The following MAGI1 variants were observed in gnomAD, a reference collection of about 807,000 sequenced individuals.
The protein encoded by MAGI1 is membrane associated guanylate kinase, WW and PDZ domain containing 1, also known as membrane-associated guanylate kinase, WW and PDZ domain-containing protein 1.
MAGI1 carries 58 observed loss-of-function variants against 139.9 expected under a neutral mutation model. That is an observed-to-expected ratio of 0.41 (90% CI 0.34 to 0.52). The LOEUF (loss-of-function observed/expected upper bound fraction) is 0.52. Ranked by LOEUF, MAGI1 falls within the 20% of genes least tolerant of loss-of-function variation. The pLI is 0.12. For missense variants in MAGI1, 1,874 were observed against 1,901.6 expected, an observed-to-expected ratio of 0.99 and a Z score of 0.27; for synonymous variants, 812 against 737.9, an observed-to-expected ratio of 1.10 and a Z score of -1.63.
intron 1 of MAGI1, among the ~76,000 whole-genome samples, chr3:65,838,570 G>A (rs2058704809): frequency 6.6e-6 from 1 of 152,100 alleles, no homozygotes; most frequent in South Asian, 2.1e-4. Flanking sequence ...TCAATAGTTT[G>A]TTCCTCTTTA....
chr3:65,523,432 G>A (rs371386499), intron 2 of MAGI1, among the ~76,000 whole-genome samples: 3 of 151,660 alleles, frequency 2.0e-5, no homozygotes, highest in East Asian at 3.9e-4. Context: ...GCGAAGAGAG[G>A]GAGGCAAGGG....
intron 1 of MAGI1, among the ~76,000 whole-genome samples, chr3:65,784,081 C>T (rs1011489880): frequency 2.0e-4 from 30 of 151,974 alleles, no homozygotes; most frequent in African/African-American, 6.8e-4. Flanking sequence ...TGAGATTGTG[C>T]CATTGCACTC....
chr3:65,849,474 TATATATATATATCATCAAATATAC>T (rs2059129667), intron 1 of MAGI1, among the ~76,000 whole-genome samples: 3 of 146,066 alleles, frequency 2.1e-5, no homozygotes, highest in Non-Finnish European at 4.5e-5. Context: ...CTTTCATATA[TATATATATATATCATCAAATATAC>T]ATATATATAT....
intron 1 of MAGI1, among the ~76,000 whole-genome samples, chr3:65,663,472 TAAA>T (rs2107406266): frequency 6.6e-6 from 1 of 152,242 alleles, no homozygotes; most frequent in Admixed American, 6.5e-5. Flanking sequence ...ATCTTAAAAA[TAAA>T]ATCAGAACGG....
chr3:65,557,956 T>G (rs1334814655), intron 2 of MAGI1, among the ~76,000 whole-genome samples: 1 of 152,166 alleles, frequency 6.6e-6, no homozygotes, highest in Non-Finnish European at 1.5e-5. Flanking sequence ...AGTTTCAATC[T>G]GCAGTATGCC....
chr3:65,701,647 C>T (rs1405876839), intron 1 of MAGI1, among the ~76,000 whole-genome samples: 2 of 152,076 alleles, frequency 1.3e-5, no homozygotes, highest in African/African-American at 4.8e-5. Context: ...CAAATAAAGG[C>T]ACTTTTATTA....
At chr3:65,972,660 C>G (rs1271683791) in intron 1 of MAGI1, among the ~76,000 whole-genome samples, 1 of 152,096 alleles carries the variant, frequency 6.6e-6, no homozygotes, top group Non-Finnish European at 1.5e-5. Context: ...GTGAGATCAG[C>G]TGCTAACAAT....
At chr3:65,886,149 T>G (rs535229201) in intron 1 of MAGI1, among the ~76,000 whole-genome samples, 3 of 152,270 alleles carry the variant, frequency 2.0e-5, no homozygotes, top group Non-Finnish European at 4.4e-5. Context: ...TAGGCTCTTA[T>G]ATTCCGTATC....
chr3:65,792,402 T>G (rs1450985659), intron 1 of MAGI1, among the ~76,000 whole-genome samples: 1 of 151,720 alleles, frequency 6.6e-6, no homozygotes, highest in Non-Finnish European at 1.5e-5. Flanking sequence ...GAGGAGGAGG[T>G]TGCAGTGAGC....
chr3:65,966,634 G>A (rs539596775), intron 1 of MAGI1, among the ~76,000 whole-genome samples: 26 of 152,112 alleles, frequency 1.7e-4, no homozygotes, highest in South Asian at 4.1e-4. Flanking sequence ...GTGGGGGCGC[G>A]GCCAAAGCCT....
intron 10 of MAGI1, among the ~76,000 whole-genome samples, chr3:65,431,150 A>C (rs1400959971): frequency 6.6e-6 from 1 of 152,216 alleles, no homozygotes; most frequent in Non-Finnish European, 1.5e-5. Flanking sequence ...CTGTCAGGTG[A>C]CACACTTCTT....
At chr3:65,920,803 G>A (rs577088644) in intron 1 of MAGI1, among the ~76,000 whole-genome samples, 1 of 152,282 alleles carries the variant, frequency 6.6e-6, no homozygotes, top group African/African-American at 2.4e-5. Context: ...GGCCGAGGTG[G>A]GTGGATCACG....
In MAGI1 at chr3:65,880,908, C is replaced by CGTGTGTGT. The variant is rs11271375; in HGVS notation, c.313+157080_313+157087dup. On this transcript the variant is annotated intron_variant, in intron 1 of 22. Transcript: ENST00000402939. ...TTCATGGGAAATAAAATATCTCTGG[C>CGTGTGTGT]GTGTGTGTGTGTGTGTGTGTGTGTG... Among the ~76,000 whole-genome samples, 1,224 of 145,664 alleles carry CGTGTGTGT rather than the reference C, an allele frequency of 8.4e-3. 28 individuals carry two copies. Among genetic ancestry groups the CGTGTGTGT allele is most frequent in the African/African-American group, 0.03 (1,156 of 39,052 alleles).
intron 2 of MAGI1, among the ~76,000 whole-genome samples, chr3:65,566,219 A>G (rs539794840): frequency 6.6e-6 from 1 of 152,158 alleles, no homozygotes; most frequent in South Asian, 2.1e-4. Context: ...GCACCACTGC[A>G]CTCCAGCCTG....
chr3:65,780,072 G>T (rs907795424), intron 1 of MAGI1, among the ~76,000 whole-genome samples: 1 of 152,156 alleles, frequency 6.6e-6, no homozygotes, highest in Non-Finnish European at 1.5e-5. Flanking sequence ...GCCCAGGCTG[G>T]AGTGGACTGG....
At chr3:65,460,395 G>A (rs1949693278) in intron 5 of MAGI1, among the ~76,000 whole-genome samples, 1 of 151,808 alleles carries the variant, frequency 6.6e-6, no homozygotes, top group Non-Finnish European at 1.5e-5. Flanking sequence ...TTTATTTTCT[G>A]GAAGACATTA....
At chr3:65,426,008 G>T (rs1947017607) in intron 12 of MAGI1, among the ~76,000 whole-genome samples, 1 of 152,180 alleles carries the variant, frequency 6.6e-6, no homozygotes, top group African/African-American at 2.4e-5. Flanking sequence ...CAGATGCTAT[G>T]TTCAAAATAG....
chr3:65,943,590 C>A (rs886122932), intron 1 of MAGI1, among the ~76,000 whole-genome samples: 2 of 151,402 alleles, frequency 1.3e-5, no homozygotes, highest in Non-Finnish European at 2.9e-5. Flanking sequence ...AAAAAAACTT[C>A]TCAGGAAACA....
chr3:65,438,725 T>C (rs1400051270), intron 9 of MAGI1, among the ~76,000 whole-genome samples: 1 of 152,190 alleles, frequency 6.6e-6, no homozygotes, highest in African/African-American at 2.4e-5. Context: ...TCTCAAATGG[T>C]TGAAAAGTAA....
Sources: gnomAD v4.1 joint callset for allele counts (sites outside exome capture counted in the v4.1 genomes callset) on GRCh38, gnomAD v4.1.1 for gene constraint, MANE v1.5 for transcripts, NCBI Gene and HGNC (gene_info 2026-07-23, HGNC 2026-07-21) for gene names.